The following NXPE2 variants were observed in gnomAD, a reference collection of about 807,000 sequenced individuals.
NXPE2 encodes the protein NXPE family member 2.
NXPE2 carries 34 observed loss-of-function variants against 34.4 expected under a neutral mutation model. The ratio of observed to expected loss-of-function variants is 0.99; its 90% confidence interval spans 0.75 to 1.31. The LOEUF is 1.31. Among genes scored for constraint, NXPE2 ranks in the 40% most tolerant of loss-of-function variants. The pLI, the probability that NXPE2 is intolerant of heterozygous loss-of-function variation, is 0.00. For synonymous variants in NXPE2, 235 were observed against 231.3 expected (o/e 1.02, Z -0.15); for missense variants, 649 against 672.5 (o/e 0.97, Z 0.39).
chr11:114,571,403 G>A, the NXPE2 span: 420 of 1,613,580 alleles, frequency 2.6e-4, 3 homozygotes, highest in African/African-American at 3.1e-3. Context: ...GGATGTTGAT[G>A]TTCCTATCCA....
chr11:114,713,122 G>C, the NXPE2 span, among the ~76,000 whole-genome samples: 1 of 152,152 alleles, frequency 6.6e-6, no homozygotes, highest in African/African-American at 2.4e-5. Flanking sequence ...TCAAGGGCTG[G>C]TAGGAGAGGG....
the NXPE2 span, among the ~76,000 whole-genome samples, chr11:114,745,140 C>G: frequency 6.6e-6 from 1 of 152,068 alleles, no homozygotes; most frequent in African/African-American, 2.4e-5. Context: ...AGAAAATAAG[C>G]TTTAAGATCT....
At chr11:114,726,906 T>C in the NXPE2 span, among the ~76,000 whole-genome samples, 2 of 152,222 alleles carry the variant, frequency 1.3e-5, no homozygotes, top group Middle Eastern at 3.4e-3. Context: ...CAGAATGACC[T>C]TTACCATCCA....
chr11:114,572,540 A>G, the NXPE2 span, among the ~76,000 whole-genome samples: 3 of 152,218 alleles, frequency 2.0e-5, no homozygotes, highest in Non-Finnish European at 4.4e-5. Flanking sequence ...ATTTCTGGAA[A>G]TCAAGGATAC....
the NXPE2 span, among the ~76,000 whole-genome samples, chr11:114,577,696 A>G: frequency 6.6e-6 from 1 of 152,092 alleles, no homozygotes; most frequent in African/African-American, 2.4e-5. Context: ...AGTTTTGTAG[A>G]TATTATTTTT....
At chr11:114,563,477 A>T in the NXPE2 span, among the ~76,000 whole-genome samples, 1 of 152,170 alleles carries the variant, frequency 6.6e-6, no homozygotes, top group Non-Finnish European at 1.5e-5. Context: ...GATTATTTTA[A>T]TTAACTCCTA....
the NXPE2 span, among the ~76,000 whole-genome samples, chr11:114,792,536 T>C: frequency 6.6e-6 from 1 of 152,226 alleles, no homozygotes; most frequent in Non-Finnish European, 1.5e-5. Flanking sequence ...ATTCTTCTCT[T>C]ACTGCTGCTC....
At chr11:114,480,239 GT>G in the NXPE2 span, among the ~76,000 whole-genome samples, 1 of 141,016 alleles carries the variant, frequency 7.1e-6, no homozygotes, top group Non-Finnish European at 1.5e-5. Flanking sequence ...ATGTCAGACT[GT>G]TTTGGTCAAG....
the NXPE2 span, chr11:114,582,237 G>C: frequency 6.6e-7 from 1 of 1,519,530 alleles, no homozygotes; most frequent in Non-Finnish European, 8.8e-7. Context: ...TCAGTATATA[G>C]GCCAAATCAC....
the NXPE2 span, among the ~76,000 whole-genome samples, chr11:114,804,560 A>ATTTC: frequency 5.9e-5 from 9 of 151,954 alleles, no homozygotes; most frequent in Admixed American, 5.9e-4. Context: ...TTTGGGTGTT[A>ATTTC]TTTCTTTTGT....
intron 2 of NXPE2, among the ~76,000 whole-genome samples, chr11:114,684,057 T>C (rs1950997690): frequency 6.6e-6 from 1 of 152,136 alleles, no homozygotes; most frequent in South Asian, 2.1e-4. Flanking sequence ...TAGTCTAGGT[T>C]TGAGGTCCTT....
chr11:114,519,152 A>C, the NXPE2 span, among the ~76,000 whole-genome samples: 3 of 152,230 alleles, frequency 2.0e-5, no homozygotes, highest in Non-Finnish European at 4.4e-5. Flanking sequence ...TATATGACAA[A>C]TGTTAAATTT....
the NXPE2 span, among the ~76,000 whole-genome samples, chr11:114,627,744 G>C: frequency 6.6e-6 from 1 of 152,112 alleles, no homozygotes; most frequent in Non-Finnish European, 1.5e-5. Context: ...AAAGAGTCAA[G>C]ACCCATCAGT....
the NXPE2 span, chr11:114,595,871 G>T: frequency 6.6e-6 from 1 of 152,340 alleles, no homozygotes; most frequent in South Asian, 2.1e-4. Context: ...AAGGAGAAAT[G>T]AAGTGCTCTG....
the NXPE2 span, among the ~76,000 whole-genome samples, chr11:114,724,736 A>G: frequency 6.6e-6 from 1 of 151,902 alleles, no homozygotes; most frequent in African/African-American, 2.4e-5. Context: ...TATGCCTCTG[A>G]ACTAGTCTGT....
At chr11:114,571,309 T>G in the NXPE2 span, 2 of 1,614,070 alleles carry the variant, frequency 1.2e-6, no homozygotes, top group Non-Finnish European at 1.7e-6. Flanking sequence ...CCTCCAGTTC[T>G]GTCAATGGCC....
At chr11:114,638,951 T>G in the NXPE2 span, among the ~76,000 whole-genome samples, 4 of 152,052 alleles carry the variant, frequency 2.6e-5, no homozygotes, top group East Asian at 1.9e-4. Flanking sequence ...CTGCCCATTT[T>G]CAGATCTCCA....
At chr11:114,699,435 G>A (rs184213352) in intron 3 of NXPE2, among the ~76,000 whole-genome samples, 93 of 152,202 alleles carry the variant, frequency 6.1e-4, no homozygotes, top group African/African-American at 2.2e-3. Context: ...TGACCCCACG[G>A]CTCTAAAGGT....
At chr11:114,490,103 A>G in the NXPE2 span, among the ~76,000 whole-genome samples, 2 of 152,236 alleles carry the variant, frequency 1.3e-5, no homozygotes, top group Admixed American at 1.3e-4. Flanking sequence ...ACTCCCATTC[A>G]CAATTGCTTC....
Sources: allele counts gnomAD v4.1 joint callset (sites outside exome capture counted in the v4.1 genomes callset), GRCh38; gene constraint gnomAD v4.1.1; transcripts MANE v1.5; gene names NCBI Gene and HGNC (gene_info 2026-07-23, HGNC 2026-07-21).